SMOC2: variants seen among roughly 807,000 people sequenced by gnomAD.
The protein encoded by SMOC2 is SPARC related modular calcium binding 2, also known as SPARC-related modular calcium-binding protein 2.
SMOC2 carries 39 observed loss-of-function variants against 61.4 expected under a neutral mutation model. The observed-to-expected ratio is 0.64, with a 90% CI of 0.49 to 0.83. The LOEUF is 0.83. Ranked by LOEUF, SMOC2 falls within the 40% of genes least tolerant of loss-of-function variation. The probability of loss-of-function intolerance (pLI) is 0.00; values close to 1 mark genes in which losing one functional copy is unlikely to be tolerated. For missense variants in SMOC2, 556 were observed against 592.9 expected (o/e 0.94, Z 0.65); for synonymous variants, 247 against 239.9 (o/e 1.03, Z -0.27).
At chr6:168,580,177 G>C (rs946642819) in intron 7 of SMOC2, among the ~76,000 whole-genome samples, 6 of 152,222 alleles carry the variant, frequency 3.9e-5, no homozygotes, top group Admixed American at 3.9e-4. Context: ...CTTTATGTCT[G>C]AGTTTGTTGC....
At position 168,441,380 on chromosome 6, in the gene SMOC2, C is replaced by T; in HGVS notation, c.10C>T (p.Pro4Ser). ...CGCCACCTCCGCCACCATGCTGCTC[C>T]CCCAGCTCTGCTGGCTGCCGCTGCT... MLL[P>S]QLCWLPLLAG... The change falls in exon 1 of 13, where the codon CCC becomes TCC. Residue 4 changes from proline to serine, a missense_variant. Pro to Ser is a moderately conservative substitution (Grantham distance 74, BLOSUM62 -1). Transcript: ENST00000356284. 7.3e-6 allele frequency: 11 copies of T among 1,507,522 alleles called. No individual in the cohort carries two copies. Among genetic ancestry groups the T allele is most frequent in the Non-Finnish European group, 9.7e-6 (11 of 1,133,574 alleles). 93.4% of individuals were successfully genotyped at this position (1,507,522 alleles called of 1,614,324 possible).
At chr6:168,617,997 C>T (rs1786138850) in intron 9 of SMOC2, among the ~76,000 whole-genome samples, 1 of 152,168 alleles carries the variant, frequency 6.6e-6, no homozygotes, top group South Asian at 2.1e-4. Flanking sequence ...ATGGGGTCTG[C>T]CAGGGATAAA....
intron 1 of SMOC2, among the ~76,000 whole-genome samples, chr6:168,443,234 C>T (rs868377961): frequency 5.9e-5 from 9 of 152,082 alleles, no homozygotes; most frequent in Admixed American, 4.6e-4. Context: ...GCCTGTTGGT[C>T]CCCCCTGGAA....
At chr6:168,525,291 C>T (rs1397357196) in intron 2 of SMOC2, among the ~76,000 whole-genome samples, 1 of 152,160 alleles carries the variant, frequency 6.6e-6, no homozygotes. Flanking sequence ...AGCCTTTTCC[C>T]CCTGGGGGCA....
intron 2 of SMOC2, among the ~76,000 whole-genome samples, chr6:168,526,002 G>T (rs2115073997): frequency 6.6e-6 from 1 of 152,328 alleles, no homozygotes; most frequent in African/African-American, 2.4e-5. Flanking sequence ...CCAGGCAGCT[G>T]GCGTTTCCCC....
chr6:168,476,482 A>ATG (rs5881792), intron 1 of SMOC2, among the ~76,000 whole-genome samples: 69 of 150,328 alleles, frequency 4.6e-4, no homozygotes, highest in Middle Eastern at 3.4e-3. Flanking sequence ...GTGTGTGTGT[A>ATG]TGTGTGTGTG....
intron 6 of SMOC2, 42 bp from the exon 7 acceptor site, chr6:168,549,087 G>A (rs762295412): frequency 7.8e-6 from 12 of 1,534,552 alleles, no homozygotes; most frequent in Admixed American, 1.7e-5. Context: ...TTGTGCTTTC[G>A]TGATGAATTA....
intron 2 of SMOC2, among the ~76,000 whole-genome samples, chr6:168,515,937 G>C (rs1329134615): frequency 3.9e-5 from 6 of 152,198 alleles, no homozygotes; most frequent in African/African-American, 1.4e-4. Context: ...TAGATCATTC[G>C]TGTAACACAA....
chr6:168,472,208 T>G (rs1280848520), intron 1 of SMOC2, among the ~76,000 whole-genome samples: 2 of 152,220 alleles, frequency 1.3e-5, no homozygotes, highest in East Asian at 3.9e-4. Flanking sequence ...TGATCCATTT[T>G]GAGTTAATTT....
rs1030536451 is a variant in SMOC2, at chr6:168,535,073, C to G, written c.463+7346C>G. Reference sequence around the variant, plus strand: ...GCAACCTCCGCCTCCGGGGTTCAAGCGATTCTCCTGCCTCTGCCTCCGGAG... The same window carrying G: ...GCAACCTCCGCCTCCGGGGTTCAAGGGATTCTCCTGCCTCTGCCTCCGGAG... On this transcript the variant is annotated intron_variant, in intron 4 of 12. Transcript: ENST00000356284. The surrounding 1 kb of genome is among the most constrained non-coding windows in gnomAD (Gnocchi z 4.6). 2.6e-5 allele frequency among the ~76,000 whole-genome samples: 4 copies of G among 152,064 alleles called. No individual in the cohort carries two copies. The highest frequency in any genetic ancestry group is 5.9e-5 in the Non-Finnish European group (4 of 68,022).
intron 7 of SMOC2, among the ~76,000 whole-genome samples, chr6:168,578,166 C>T (rs574263449): frequency 6.6e-6 from 1 of 152,332 alleles, no homozygotes; most frequent in East Asian, 1.9e-4. Flanking sequence ...GTAGCAGCTC[C>T]AGGTGGCAGG....
At chr6:168,536,256 T>G (rs1304106412) in intron 4 of SMOC2, among the ~76,000 whole-genome samples, 4 of 152,076 alleles carry the variant, frequency 2.6e-5, no homozygotes, top group Non-Finnish European at 5.9e-5. Context: ...CCTAGGATGG[T>G]CAAGGGGCCA....
chr6:168,498,279 T>C (rs1474293101), intron 1 of SMOC2, among the ~76,000 whole-genome samples: 1 of 152,190 alleles, frequency 6.6e-6, no homozygotes, highest in Non-Finnish European at 1.5e-5. Flanking sequence ...CTGTAACATG[T>C]ATTTTAGTGT....
chr6:168,530,671 G>C (rs1783574429), intron 4 of SMOC2, among the ~76,000 whole-genome samples: 2 of 106,140 alleles, frequency 1.9e-5, no homozygotes, highest in South Asian at 6.1e-4. Context: ...CCACTGCTCT[G>C]GCAGAAATGA....
At chr6:168,639,318 A>C (rs895386876) in intron 9 of SMOC2, among the ~76,000 whole-genome samples, 8 of 152,220 alleles carry the variant, frequency 5.3e-5, no homozygotes, top group Non-Finnish European at 1.0e-4. Flanking sequence ...CAAGACTACT[A>C]CTGCAAACTT....
Position 168,661,127 on chromosome 6 carries a change from TG to T in SMOC2, c.1286-2946del, listed in dbSNP as rs1383406839. ...ATTTTCCTTACAGAATTTTTTTTTTTGACTTAAAAAAATTCATTATCAGTTA... is the reference window on the plus strand; with the variant it reads ...ATTTTCCTTACAGAATTTTTTTTTTTACTTAAAAAAATTCATTATCAGTTA... On this transcript the variant is annotated intron_variant, in intron 11 of 12. Transcript: ENST00000356284. Among the ~76,000 whole-genome samples, 75 of 147,200 alleles carry T rather than the reference TG, an allele frequency of 5.1e-4. 1 individual carries two copies. The East Asian group carries it at 0.014, about 27-fold the overall frequency.
At chr6:168,605,770 G>A (rs1458289154) in intron 8 of SMOC2, among the ~76,000 whole-genome samples, 1 of 152,010 alleles carries the variant, frequency 6.6e-6, no homozygotes, top group African/African-American at 2.4e-5. Context: ...GGGCTTCAGG[G>A]GCACAACAGA....
chr6:168,542,509 C>G (rs1159973878), intron 4 of SMOC2, among the ~76,000 whole-genome samples: 1 of 152,154 alleles, frequency 6.6e-6, no homozygotes, highest in Non-Finnish European at 1.5e-5. Flanking sequence ...TGAGAACATT[C>G]CCGTGTAAAT....
intron 1 of SMOC2, among the ~76,000 whole-genome samples, chr6:168,485,712 T>TG (rs1162198936): frequency 6.6e-6 from 1 of 152,040 alleles, no homozygotes; most frequent in African/African-American, 2.4e-5. Flanking sequence ...TATGTTTTTT[T>TG]GGGGGGGAGA....
Sources: gnomAD v4.1 joint callset for allele counts (sites outside exome capture counted in the v4.1 genomes callset) on GRCh38, gnomAD v4.1.1 for gene constraint, Gnocchi (gnomAD v3.1) non-coding constraint, MANE v1.5 for transcripts, NCBI Gene and HGNC (gene_info 2026-07-23, HGNC 2026-07-21) for gene names.